Variants in TLCD4 observed in about 807,000 individuals in gnomAD.
The protein encoded by TLCD4 is TLC domain-containing protein 4.
TLCD4 carries 7 observed loss-of-function variants against 24.2 expected under a neutral mutation model. That is an observed-to-expected ratio of 0.29 (90% CI 0.16 to 0.54). TLCD4 has a LOEUF of 0.54. Ranked by LOEUF, TLCD4 falls within the 20% of genes least tolerant of loss-of-function variation. The pLI is 0.95. For missense variants in TLCD4, 259 were observed against 313.9 expected (o/e 0.82, Z 1.32); for synonymous variants, 103 against 106.4 (o/e 0.97, Z 0.20).
intron 6 of TLCD4, among the ~76,000 whole-genome samples, chr1:95,183,713 G>A (rs1274647200): frequency 2.6e-5 from 4 of 151,792 alleles, no homozygotes; most frequent in Non-Finnish European, 4.4e-5. Context: ...GTGTGGTGGC[G>A]CGTAGTCCCG....
At chr1:95,155,376 A>G (rs1677603625) in intron 5 of TLCD4, among the ~76,000 whole-genome samples, 2 of 152,186 alleles carry the variant, frequency 1.3e-5, no homozygotes, top group South Asian at 4.1e-4. Context: ...ATGACAGAGT[A>G]GAGACACCAC....
intron 1 of TLCD4, among the ~76,000 whole-genome samples, chr1:95,141,833 A>ACACACACACACACACAC (rs1557682576): frequency 6.7e-6 from 1 of 149,768 alleles, no homozygotes; most frequent in African/African-American, 2.5e-5. Flanking sequence ...ACACACACAC[A>ACACACACACACACACAC]AAGAATGAGG....
intron 1 of TLCD4, among the ~76,000 whole-genome samples, chr1:95,121,627 C>G (rs1235523983): frequency 6.6e-6 from 1 of 152,162 alleles, no homozygotes; most frequent in Non-Finnish European, 1.5e-5. Context: ...CCCGCCACCA[C>G]CCCGGGCTAA....
At chr1:95,124,147 A>G (rs1676648543) in intron 1 of TLCD4, among the ~76,000 whole-genome samples, 1 of 152,158 alleles carries the variant, frequency 6.6e-6, no homozygotes, top group Non-Finnish European at 1.5e-5. Flanking sequence ...TTCAAACAGG[A>G]TTTGGGATTT....
In TLCD4 at chr1:95,192,762, C is replaced by CAT. The variant is rs1225356266; in HGVS notation, c.*895_*896dup. On this transcript the variant is annotated 3_prime_UTR_variant, in exon 7 of 7. Coordinates refer to ENST00000370203, the MANE Select transcript of TLCD4 (RefSeq NM_152487.3). Reference sequence around the variant, plus strand: ...TTTGGGAATATTTAATTAGTTTAGTCATGGAGAATACTTCCCACATTTTAA... The same window carrying CAT: ...TTTGGGAATATTTAATTAGTTTAGTCATATGGAGAATACTTCCCACATTTTAA... 2.2e-5 allele frequency: 3 copies of CAT among 136,616 alleles called. No homozygotes were observed. Among genetic ancestry groups the CAT allele is most frequent in the African/African-American group, 8.3e-5 (3 of 36,212 alleles). The allele number at this position is 136,616 out of a possible 1,614,324, so 8.5% of individuals were successfully genotyped here. A position where few individuals can be genotyped will look rare whatever the true frequency, so the allele number is the denominator to read the frequency against.
chr1:95,101,737 G>A, the TLCD4 span, among the ~76,000 whole-genome samples: 1 of 152,146 alleles, frequency 6.6e-6, no homozygotes, highest in African/African-American at 2.4e-5. Context: ...GAGAAATAAA[G>A]TACCTGTACA....
chr1:95,162,693 CGTG>C (rs1677857139), intron 5 of TLCD4, among the ~76,000 whole-genome samples: 1 of 148,824 alleles, frequency 6.7e-6, no homozygotes, highest in African/African-American at 2.5e-5. Flanking sequence ...GTAAGGCAGG[CGTG>C]GTGGTGACAG....
Position 95,151,595 on chromosome 1 carries a change from G to A in TLCD4, c.399+176G>A, listed in dbSNP as rs537916909. Among the ~76,000 whole-genome samples the A allele has an allele frequency of 5.5e-4, 84 of 152,246 alleles. 1 individual carries two copies. Among genetic ancestry groups the A allele is most frequent in the Admixed American group, 3.7e-3 (57 of 15,268 alleles). On this transcript the variant is annotated intron_variant, in intron 5 of 6. Coordinates refer to ENST00000370203, the MANE Select transcript of TLCD4 (RefSeq NM_152487.3). ...GTATTAACTAAAATAATACCTTTATGTGTGTCTGTGTTGGTGTTGGTGTGT... is the reference window on the plus strand; with the variant it reads ...GTATTAACTAAAATAATACCTTTATATGTGTCTGTGTTGGTGTTGGTGTGT...
Position 95,192,053 on chromosome 1 carries a change from T to C in TLCD4, c.*185T>C. On this transcript the variant is annotated 3_prime_UTR_variant, in exon 7 of 7. Transcript: ENST00000370203. The stretch of plus-strand genomic sequence containing the variant: ...GGCTCATGCCTGTAATCCCAGCACT[T>C]TGGGAGGCCAAGGTGGGTCGATCAC... 7.3e-7 allele frequency: 1 copy of C among 1,371,200 alleles called. No homozygotes were observed. Among genetic ancestry groups the C allele is most frequent in the Non-Finnish European group, 9.5e-7 (1 of 1,057,192 alleles). 84.9% of individuals were successfully genotyped at this position (1,371,200 alleles called of 1,614,324 possible).
the TLCD4 span, among the ~76,000 whole-genome samples, chr1:95,107,697 A>G: frequency 4.0e-4 from 61 of 152,294 alleles, no homozygotes; most frequent in African/African-American, 1.5e-3. Context: ...CAGGATAGGG[A>G]ACATGTTAGT....
rs1679067492 is a variant in TLCD4, at chr1:95,192,726, T to C, written c.*858T>C. ...ATGCAATCACCTATTAATGATGAAA[T>C]ATTTTACCACTTTGGGAATATTTAA... is the stretch of plus-strand genomic sequence containing the variant. On this transcript the variant is annotated 3_prime_UTR_variant, in exon 7 of 7. Coordinates refer to ENST00000370203, the MANE Select transcript of TLCD4 (RefSeq NM_152487.3). The C allele has an allele frequency of 1.3e-5, 2 of 152,216 alleles. No homozygotes were observed. The allele number at this position is 152,216 out of a possible 1,614,324, so 9.4% of individuals were successfully genotyped here. A position where few individuals can be genotyped will look rare whatever the true frequency, so the allele number is the denominator to read the frequency against.
At chr1:95,103,378 A>G in the TLCD4 span, among the ~76,000 whole-genome samples, 9 of 152,230 alleles carry the variant, frequency 5.9e-5, no homozygotes, top group African/African-American at 1.7e-4. Flanking sequence ...GTTGGAAGAT[A>G]GAGCTCGTAG....
the TLCD4 span, among the ~76,000 whole-genome samples, chr1:95,092,744 G>T: frequency 6.6e-6 from 1 of 152,170 alleles, no homozygotes; most frequent in African/African-American, 2.4e-5. Flanking sequence ...CACCGCGAAG[G>T]TCCGCGGCTT....
intron 6 of TLCD4, 142 bp downstream of exon 6, chr1:95,174,031 G>A: frequency 7.9e-7 from 1 of 1,263,308 alleles, no homozygotes; most frequent in Non-Finnish European, 1.1e-6. Context: ...ATACAAATGA[G>A]GAAAGTGAGT....
chr1:95,123,313 T>G (rs2100903250), intron 1 of TLCD4, among the ~76,000 whole-genome samples: 1 of 152,324 alleles, frequency 6.6e-6, no homozygotes, highest in South Asian at 2.1e-4. Flanking sequence ...ACAGATCAAT[T>G]TCTTACATGC....
intron 1 of TLCD4, among the ~76,000 whole-genome samples, chr1:95,143,486 A>G (rs550970585): frequency 6.6e-6 from 1 of 152,324 alleles, no homozygotes; most frequent in South Asian, 2.1e-4. Context: ...CTTAGAAATT[A>G]TGTAACCAAC....
chr1:95,120,155 G>T (rs2100898453), intron 1 of TLCD4: 1 of 152,336 alleles, frequency 6.6e-6, no homozygotes, highest in African/African-American at 2.4e-5. Flanking sequence ...TAGCAGTATG[G>T]AGGTGGAGTC....
intron 3 of TLCD4, among the ~76,000 whole-genome samples, chr1:95,149,561 C>G (rs1246532245): frequency 1.3e-5 from 2 of 152,070 alleles, no homozygotes; most frequent in Admixed American, 1.3e-4. Context: ...AGAATAATAT[C>G]AGTATTGATA....
rs1165829418 is a variant in TLCD4, at chr1:95,135,235, G to A, written c.-11-8656G>A. Among the ~76,000 whole-genome samples the A allele has an allele frequency of 2.0e-5, 3 of 152,136 alleles. No homozygotes were observed. In the East Asian group the frequency reaches 5.8e-4, roughly 29 times the overall value. On this transcript the variant is annotated intron_variant, in intron 1 of 6. Transcript: ENST00000370203. Reference sequence around the variant, plus strand: ...AGAGTCCTCTGAAAGTTAGACTAGGGCCCCTGCCTTCTGCAGACAACCCTC... The same window carrying A: ...AGAGTCCTCTGAAAGTTAGACTAGGACCCCTGCCTTCTGCAGACAACCCTC...
Sources: allele counts gnomAD v4.1 joint callset (sites outside exome capture counted in the v4.1 genomes callset), GRCh38; gene constraint gnomAD v4.1.1; transcripts MANE v1.5; gene names NCBI Gene and HGNC (gene_info 2026-07-23, HGNC 2026-07-21).